Variants in SEMA6D observed in about 807,000 individuals in gnomAD.
SEMA6D encodes semaphorin 6D.
A neutral mutation model predicts 106.6 loss-of-function variants in SEMA6D; 35 were observed. The ratio of observed to expected loss-of-function variants is 0.33; its 90% CI spans 0.25 to 0.44. The LOEUF (loss-of-function observed/expected upper bound fraction) is 0.44, where lower values mean the gene tolerates loss of function less well. Ranked by LOEUF, SEMA6D falls within the 20% of genes least tolerant of loss-of-function variation. The pLI is 1.00. For synonymous variants in SEMA6D, 499 were observed against 487.7 expected (o/e 1.02, Z -0.31); for missense variants, 1,185 against 1,345.9 (o/e 0.88, Z 1.87).
intron 2 of SEMA6D, among the ~76,000 whole-genome samples, chr15:47,470,274 C>G (rs572987602): frequency 6.6e-6 from 1 of 152,218 alleles, no homozygotes; most frequent in African/African-American, 2.4e-5. Context: ...AGGCCCTGGT[C>G]AGCACTGTTG....
At chr15:47,633,604 G>A (rs967268132) in intron 4 of SEMA6D, among the ~76,000 whole-genome samples, 1 of 152,086 alleles carries the variant, frequency 6.6e-6, no homozygotes, top group African/African-American at 2.4e-5. Context: ...ATCTTGTCAT[G>A]AATTTCATTA....
At chr15:47,631,731 C>T (rs1314876749) in intron 4 of SEMA6D, among the ~76,000 whole-genome samples, 2 of 151,826 alleles carry the variant, frequency 1.3e-5, no homozygotes, top group African/African-American at 2.4e-5. Flanking sequence ...AGAGAGAGGC[C>T]CAGTGAAACT....
chr15:47,590,578 G>A (rs919465200), intron 3 of SEMA6D, among the ~76,000 whole-genome samples: 1 of 151,728 alleles, frequency 6.6e-6, no homozygotes, highest in Non-Finnish European at 1.5e-5. Flanking sequence ...AAAGAAACAG[G>A]GTCTCTGTAG....
chr15:47,191,816 A>G (rs1893982318), intron 1 of SEMA6D, among the ~76,000 whole-genome samples: 1 of 152,126 alleles, frequency 6.6e-6, no homozygotes. Context: ...TCAGGTATAA[A>G]TTTTTCAGGT....
intron 3 of SEMA6D, among the ~76,000 whole-genome samples, chr15:47,554,970 GA>G (rs2045874719): frequency 6.6e-6 from 1 of 152,132 alleles, no homozygotes; most frequent in East Asian, 1.9e-4. Flanking sequence ...CGCTCTGATT[GA>G]AAATATCTTT....
chr15:47,357,078 T>C (rs1005128200), intron 1 of SEMA6D, among the ~76,000 whole-genome samples: 4 of 151,872 alleles, frequency 2.6e-5, no homozygotes, highest in African/African-American at 7.3e-5. Context: ...CTCTCGTCTG[T>C]AATCCCAGCA....
chr15:47,270,673 GA>G (rs2034520113), intron 1 of SEMA6D, among the ~76,000 whole-genome samples: 1 of 152,106 alleles, frequency 6.6e-6, no homozygotes, highest in Non-Finnish European at 1.5e-5. Context: ...ATTCATCTAT[GA>G]ATGGATCAAC....
chr15:47,655,543 T>G (rs1374227002), intron 4 of SEMA6D, among the ~76,000 whole-genome samples: 2 of 152,260 alleles, frequency 1.3e-5, no homozygotes, highest in Non-Finnish European at 2.9e-5. Context: ...AAGTGAGCAT[T>G]GCACCTTATT....
intron 1 of SEMA6D, chr15:47,380,479 T>G (rs2039600714): frequency 6.6e-6 from 1 of 152,222 alleles, no homozygotes; most frequent in Non-Finnish European, 1.5e-5. Context: ...TGTTGGCAGG[T>G]TCTTTAGGGA....
At chr15:47,707,508 C>G (rs1450938255) in intron 4 of SEMA6D, among the ~76,000 whole-genome samples, 3 of 152,124 alleles carry the variant, frequency 2.0e-5, no homozygotes, top group African/African-American at 7.2e-5. Flanking sequence ...TGATGAATTG[C>G]CACGTCTGCA....
intron 1 of SEMA6D, chr15:47,272,463 AC>A (rs1237450506): frequency 2.0e-5 from 3 of 152,190 alleles, no homozygotes; most frequent in African/African-American, 7.2e-5. Context: ...TTGTAGTACA[AC>A]ACTTCTCTAC....
At chr15:47,184,709 A>T (rs1163342405) in intron 1 of SEMA6D, among the ~76,000 whole-genome samples, 1 of 151,806 alleles carries the variant, frequency 6.6e-6, no homozygotes, top group Admixed American at 6.6e-5. Flanking sequence ...GGCCGGGGGG[A>T]GGGAGCGGAA....
At chr15:47,335,461 A>G (rs2144270173) in intron 1 of SEMA6D, among the ~76,000 whole-genome samples, 1 of 152,174 alleles carries the variant, frequency 6.6e-6, no homozygotes, top group South Asian at 2.1e-4. Context: ...CTCTCCCTAT[A>G]AATGCCAAGT....
intron 1 of SEMA6D, among the ~76,000 whole-genome samples, chr15:47,240,668 A>T (rs924258085): frequency 3.9e-5 from 6 of 152,168 alleles, no homozygotes; most frequent in African/African-American, 1.2e-4. Flanking sequence ...TTGAATATTA[A>T]CATTTATTTT....
At position 47,771,226 on chromosome 15, in the gene SEMA6D, A is replaced by T. The variant is rs1322599492; in HGVS notation, c.2663A>T (p.Asp888Val). The T allele has an allele frequency of 3.1e-6, 5 of 1,613,932 alleles. No homozygotes were observed. Among genetic ancestry groups the T allele is most frequent in the Non-Finnish European group, 3.4e-6 (4 of 1,179,962 alleles). Residue 888 changes from aspartate to valine, a missense_variant, in exon 19 of 19, where the codon GAC becomes GTC. Transcript: ENST00000536845. The part of the protein sequence containing the change: ...TLNDLLKHLN[D>V]PNSNPKAIMG... ...AATGATCTCCTGAAGCATCTGAATG[A>T]CCCAAATAGTAACCCCAAAGCCATC...
At chr15:47,489,191 C>A (rs1042536985) in intron 3 of SEMA6D, among the ~76,000 whole-genome samples, 6 of 152,058 alleles carry the variant, frequency 3.9e-5, no homozygotes, top group African/African-American at 1.4e-4. Flanking sequence ...GTGACGCTGC[C>A]ACAGCCAAGG....
At chr15:47,363,659 A>G (rs1374090541) in intron 1 of SEMA6D, among the ~76,000 whole-genome samples, 1 of 152,208 alleles carries the variant, frequency 6.6e-6, no homozygotes, top group Non-Finnish European at 1.5e-5. Context: ...TGACAAGGGC[A>G]AGGTAAAATC....
chr15:47,761,062 T>A (rs1219497613), intron 4 of SEMA6D, 24 bp downstream of exon 4: 1 of 1,612,612 alleles, frequency 6.2e-7, no homozygotes, highest in South Asian at 1.1e-5. Flanking sequence ...GTTGGCAAAT[T>A]TATTTACCTT....
At chr15:47,368,469 T>G (rs2039142682) in intron 1 of SEMA6D, among the ~76,000 whole-genome samples, 2 of 96,928 alleles carry the variant, frequency 2.1e-5, no homozygotes, top group Non-Finnish European at 5.0e-5. Context: ...CCTTTATTTA[T>G]TTATTTATTT....
Sources: allele counts gnomAD v4.1 joint callset (sites outside exome capture counted in the v4.1 genomes callset), GRCh38; gene constraint gnomAD v4.1.1; transcripts MANE v1.5; gene names NCBI Gene and HGNC (gene_info 2026-07-23, HGNC 2026-07-21).